ESF1: variants seen among roughly 807,000 people sequenced by gnomAD.
ESF1 encodes the protein ESF1 homolog.
A neutral mutation model predicts 92.0 loss-of-function variants in ESF1; 58 were observed. That is an observed-to-expected ratio of 0.63 (90% CI 0.51 to 0.78). The LOEUF (loss-of-function observed/expected upper bound fraction) is 0.78. ESF1 is among the 30% of genes least tolerant of loss of function. The pLI is 0.00. For missense variants in ESF1, 922 were observed against 989.1 expected, an observed-to-expected ratio of 0.93 and a Z score of 0.91; for synonymous variants, 321 against 313.7, an observed-to-expected ratio of 1.02 and a Z score of -0.24.
chr20:13,740,752 G>A (rs184893529), intron 9 of ESF1, among the ~76,000 whole-genome samples: 8 of 152,188 alleles, frequency 5.3e-5, no homozygotes, highest in Admixed American at 4.6e-4. Flanking sequence ...TAAAAGCCAG[G>A]TACCCAAGAC....
intron 2 of ESF1, among the ~76,000 whole-genome samples, chr20:13,780,995 G>A (rs932475933): frequency 6.6e-6 from 1 of 152,102 alleles, no homozygotes; most frequent in African/African-American, 2.4e-5. Context: ...TTCTTTCCAT[G>A]TAGCACACTC....
chr20:13,749,480 A>C (rs920965878), intron 9 of ESF1, among the ~76,000 whole-genome samples: 1 of 152,180 alleles, frequency 6.6e-6, no homozygotes, highest in African/African-American at 2.4e-5. Context: ...ACACAGGGTC[A>C]GGTTTTCAAG....
chr20:13,775,829 G>T, intron 3 of ESF1, 44 bp downstream of exon 3: 1 of 1,548,846 alleles, frequency 6.5e-7, no homozygotes, highest in Non-Finnish European at 8.7e-7. Flanking sequence ...AAAGCTGCTT[G>T]TACTGTGTTT....
At chr20:13,759,293 T>C (rs1403233982) in intron 9 of ESF1, among the ~76,000 whole-genome samples, 1 of 152,232 alleles carries the variant, frequency 6.6e-6, no homozygotes, top group Non-Finnish European at 1.5e-5. Context: ...TCGAAGACTA[T>C]GTAATACATA....
Position 13,748,562 on chromosome 20 carries a change from ATATGTGTGTG to A in ESF1, c.1828+11120_1828+11129del, listed in dbSNP as rs1456440732. Among the ~76,000 whole-genome samples the A allele has an allele frequency of 1.3e-3, 50 of 37,154 alleles. No individual in the cohort carries two copies. The South Asian group carries it at 0.033, about 25-fold the overall frequency. 24.4% of individuals were successfully genotyped at this position (37,154 alleles called of 152,430 possible). A position where few individuals can be genotyped will look rare whatever the true frequency, so the allele number is the denominator to read the frequency against. ...TATATGTGTGTGTATATATATATATATATGTGTGTGTGTATATATATATATATATATTTTT... is the reference window on the plus strand; with the variant it reads ...TATATGTGTGTGTATATATATATATATGTATATATATATATATATATTTTT... On this transcript the variant is annotated intron_variant, in intron 9 of 13. Transcript: ENST00000617257.
In ESF1 at chr20:13,733,781, G is replaced by T; in HGVS notation, c.1890C>A (p.Thr630=). Residue 630 remains threonine, a synonymous_variant, in exon 10 of 14, where the codon ACC becomes ACA. Coordinates refer to ENST00000617257, the MANE Select transcript of ESF1 (RefSeq NM_001276380.2). ...TCTTCTCTAAAAATTGTTCCCAAGG[G>T]GTCAGTTTATCCTTTCCTTCCAATT... is the stretch of plus-strand genomic sequence containing the variant. ...KNKLEGKDKL[T]PWEQFLEKKK... The T allele has an allele frequency of 6.2e-7, 1 of 1,611,918 alleles. No individual in the cohort carries two copies.
chr20:13,730,152 A>C (rs967579793), intron 10 of ESF1, among the ~76,000 whole-genome samples: 1 of 151,920 alleles, frequency 6.6e-6, no homozygotes, highest in Admixed American at 6.6e-5. Flanking sequence ...AGTTCACTGC[A>C]ACCTCTGACT....
rs1412662089 is a variant in ESF1, at chr20:13,772,621, C to T, written c.1150-6G>A. On this transcript the variant is annotated splice_polypyrimidine_tract_variant and splice_region_variant and intron_variant, in intron 4 of 13. Coordinates refer to ENST00000617257, the MANE Select transcript of ESF1 (RefSeq NM_001276380.2). ...CCAAATTCTGAAGGATATATCTAAACAGAAAAAAATAGGATCAATGTAATT... is the reference window on the plus strand; with the variant it reads ...CCAAATTCTGAAGGATATATCTAAATAGAAAAAAATAGGATCAATGTAATT... The T allele has an allele frequency of 1.9e-6, 3 of 1,590,354 alleles. No individual in the cohort carries two copies. Among genetic ancestry groups the T allele is most frequent in the Non-Finnish European group, 2.6e-6 (3 of 1,160,452 alleles).
chr20:13,740,945 T>A (rs2050009538), intron 9 of ESF1, among the ~76,000 whole-genome samples: 2 of 152,122 alleles, frequency 1.3e-5, no homozygotes, highest in South Asian at 4.1e-4. Flanking sequence ...ACTGGCTTGG[T>A]GCATCCAAGA....
chr20:13,718,841 T>G, intron 12 of ESF1, 67 bp downstream of exon 12: 1 of 1,125,544 alleles, frequency 8.9e-7, no homozygotes, highest in Non-Finnish European at 1.2e-6. Context: ...ATTAGTGACA[T>G]GTACAACTTC....
chr20:13,768,897 C>CAAAAAAAAAAAAAAAAAA (rs574502122), intron 7 of ESF1, among the ~76,000 whole-genome samples: 1 of 59,184 alleles, frequency 1.7e-5, no homozygotes, highest in African/African-American at 6.7e-5. Flanking sequence ...ACTCTAGTCT[C>CAAAAAAAAAAAAAAAAAA]AAAAAAAAAA....
At chr20:13,738,444 G>T (rs772799936) in intron 9 of ESF1, among the ~76,000 whole-genome samples, 4 of 151,894 alleles carry the variant, frequency 2.6e-5, no homozygotes, top group Non-Finnish European at 4.4e-5. Context: ...CTCCTGAGTA[G>T]TGGGACCACA....
chr20:13,755,914 T>G (rs1978871311), intron 9 of ESF1, among the ~76,000 whole-genome samples: 1 of 152,176 alleles, frequency 6.6e-6, no homozygotes, highest in African/African-American at 2.4e-5. Flanking sequence ...TAAATGTTAG[T>G]GATTAAGAGT....
chr20:13,722,082 A>T (rs1054568471), intron 11 of ESF1, among the ~76,000 whole-genome samples: 4 of 152,198 alleles, frequency 2.6e-5, no homozygotes, highest in African/African-American at 9.7e-5. Flanking sequence ...CAGGGAGAAA[A>T]TTAGACTGTA....
rs959254991 is a variant in ESF1, at chr20:13,772,194, C to CA, written c.1250+320dup. On this transcript the variant is annotated intron_variant, in intron 5 of 13. Transcript: ENST00000617257. ...GGCAAACAGAGCTTCAATGATGTCT[C>CA]AAAAAAAAAAGCAAAACGTACTAAT... Among the ~76,000 whole-genome samples, 817 of 142,294 alleles carry CA rather than the reference C, an allele frequency of 5.7e-3. 6 individuals are homozygous for CA. The highest frequency in any genetic ancestry group is 0.019 in the African/African-American group (757 of 38,908). 93.4% of individuals were successfully genotyped at this position (142,294 alleles called of 152,430 possible). A position where few individuals can be genotyped will look rare whatever the true frequency, so the allele number is the denominator to read the frequency against.
chr20:13,723,591 T>C (rs991657219), intron 11 of ESF1, among the ~76,000 whole-genome samples: 1 of 151,546 alleles, frequency 6.6e-6, no homozygotes. Flanking sequence ...AAGAAAAAAT[T>C]ATAAAAGATC....
intron 11 of ESF1, among the ~76,000 whole-genome samples, chr20:13,725,552 G>A (rs2049895612): frequency 6.6e-6 from 1 of 152,098 alleles, no homozygotes; most frequent in African/African-American, 2.4e-5. Flanking sequence ...GTGTCTGTGA[G>A]CCACTACATT....
chr20:13,744,922 G>A (rs993233792), intron 9 of ESF1, among the ~76,000 whole-genome samples: 3 of 152,020 alleles, frequency 2.0e-5, no homozygotes, highest in Admixed American at 6.6e-5. Context: ...CCCTCCCCAG[G>A]CCACACACAA....
chr20:13,770,104 T>C, intron 6 of ESF1, 83 bp from the exon 7 acceptor site: 1 of 757,832 alleles, frequency 1.3e-6, no homozygotes, highest in South Asian at 1.7e-5. Context: ...TAGTTGTAGT[T>C]TATACATACA....
Sources: allele counts gnomAD v4.1 joint callset (sites outside exome capture counted in the v4.1 genomes callset), GRCh38; gene constraint gnomAD v4.1.1; transcripts MANE v1.5; gene names NCBI Gene and HGNC (gene_info 2026-07-23, HGNC 2026-07-21).